VPS41: variants seen among roughly 807,000 people sequenced by gnomAD.
VPS41 encodes the protein VPS41 subunit of HOPS complex, also known as vacuolar protein sorting-associated protein 41 homolog.
VPS41 carries 85 observed loss-of-function variants against 130.9 expected under a neutral mutation model. That is an observed-to-expected ratio of 0.65 (90% CI 0.55 to 0.78). The LOEUF is 0.78. Ranked by LOEUF, VPS41 falls within the 30% of genes least tolerant of loss-of-function variation. The pLI is 0.00. For missense variants in VPS41, 874 were observed against 1,018.7 expected, an observed-to-expected ratio of 0.86 and a Z score of 1.93; for synonymous variants, 335 against 332.9, an observed-to-expected ratio of 1.01 and a Z score of -0.07.
At chr7:38,830,355 G>A (rs778413093) in intron 4 of VPS41, 27 bp from the exon 5 acceptor site, 1 of 1,414,180 alleles carries the variant, frequency 7.1e-7, no homozygotes, top group Non-Finnish European at 1.0e-6. Context: ...AAAAAGATGT[G>A]TAAAACTTCA....
At chr7:38,775,719 G>T (rs1352170540) in intron 11 of VPS41, 2 of 152,024 alleles carry the variant, frequency 1.3e-5, no homozygotes, top group African/African-American at 2.4e-5. Context: ...TTACTATAGT[G>T]ATGGCTTCCT....
At chr7:38,761,487 G>T (rs1388040819) in intron 17 of VPS41, among the ~76,000 whole-genome samples, 1 of 149,960 alleles carries the variant, frequency 6.7e-6, no homozygotes, top group African/African-American at 2.5e-5. Context: ...GTTTAACCAT[G>T]TTGGCCAGGA....
chr7:38,737,919 C>T (rs1308167291), intron 25 of VPS41, among the ~76,000 whole-genome samples: 1 of 152,216 alleles, frequency 6.6e-6, no homozygotes, highest in Non-Finnish European at 1.5e-5. Context: ...TACCCAATGC[C>T]TTAGATCCAG....
chr7:38,860,060 C>T lies in VPS41; in HGVS notation c.246+2485G>A, dbSNP rs114791030. On this transcript the variant is annotated intron_variant, in intron 4 of 28. Transcript: ENST00000310301. ...TCATTCTTCAGCAACAAAAGATGGC[C>T]GTATAAAACAGAATCCTGTCAACCT... 4.3e-3 allele frequency among the ~76,000 whole-genome samples: 651 copies of T among 152,102 alleles called. 4 individuals are homozygous for T. The highest frequency in any genetic ancestry group is 0.015 in the African/African-American group (627 of 41,492).
At chr7:38,839,743 T>C (rs1387346434) in intron 4 of VPS41, among the ~76,000 whole-genome samples, 1 of 152,202 alleles carries the variant, frequency 6.6e-6, no homozygotes, top group Non-Finnish European at 1.5e-5. Context: ...GCCACCGTTC[T>C]GCCCGGCCAG....
chr7:38,821,140 T>C (rs919096928), intron 6 of VPS41, 63 bp downstream of exon 6: 1 of 1,225,954 alleles, frequency 8.2e-7, no homozygotes, highest in African/African-American at 1.5e-5. Context: ...TTCAAATTAC[T>C]GTAATCCATA....
chr7:38,870,487 A>C (rs1786327342), intron 2 of VPS41, among the ~76,000 whole-genome samples: 2 of 152,126 alleles, frequency 1.3e-5, no homozygotes, highest in East Asian at 1.9e-4. Context: ...CTTTGATTGG[A>C]GTAAGGTATA....
chr7:38,894,664 T>C (rs940492487), intron 2 of VPS41, among the ~76,000 whole-genome samples: 4 of 152,120 alleles, frequency 2.6e-5, no homozygotes, highest in Admixed American at 1.3e-4. Flanking sequence ...ACAAGACCCA[T>C]TTTTCACACG....
chr7:38,811,901 C>G (rs974818597), intron 7 of VPS41, among the ~76,000 whole-genome samples: 3 of 152,014 alleles, frequency 2.0e-5, no homozygotes, highest in African/African-American at 7.2e-5. Context: ...TTTTCACTTT[C>G]AGTCTTCAAT....
chr7:38,846,849 G>C (rs1306615229), intron 4 of VPS41, among the ~76,000 whole-genome samples: 1 of 152,180 alleles, frequency 6.6e-6, no homozygotes, highest in Non-Finnish European at 1.5e-5. Flanking sequence ...GGAGGCAGAT[G>C]ATGGAGGATA....
intron 2 of VPS41, among the ~76,000 whole-genome samples, chr7:38,874,452 A>T (rs1304912421): frequency 6.6e-6 from 1 of 152,168 alleles, no homozygotes; most frequent in Non-Finnish European, 1.5e-5. Flanking sequence ...GCACTCCTCA[A>T]CTATTCACAT....
intron 6 of VPS41, among the ~76,000 whole-genome samples, chr7:38,819,106 T>C (rs1305109086): frequency 6.6e-6 from 1 of 152,172 alleles, no homozygotes; most frequent in Admixed American, 6.5e-5. Flanking sequence ...ATTCCAAACA[T>C]CTCCTCTGCT....
chr7:38,787,137 T>C (rs563040234), intron 10 of VPS41, among the ~76,000 whole-genome samples: 1 of 152,302 alleles, frequency 6.6e-6, no homozygotes, highest in South Asian at 2.1e-4. Flanking sequence ...TCTCATATAG[T>C]TGTTTAATCT....
intron 10 of VPS41, among the ~76,000 whole-genome samples, 166 bp downstream of exon 10, chr7:38,789,635 A>C (rs1784498780): frequency 6.6e-6 from 1 of 152,192 alleles, no homozygotes; most frequent in Non-Finnish European, 1.5e-5. Context: ...TTTTGACAGC[A>C]GTGGGGACAG....
chr7:38,754,451 G>A (rs906183411), intron 21 of VPS41, among the ~76,000 whole-genome samples: 5 of 152,088 alleles, frequency 3.3e-5, no homozygotes, highest in African/African-American at 9.7e-5. Flanking sequence ...AGATAGATTG[G>A]TAACTTTTTT....
At chr7:38,841,750 T>C (rs1432864129) in intron 4 of VPS41, among the ~76,000 whole-genome samples, 1 of 152,206 alleles carries the variant, frequency 6.6e-6, no homozygotes. Context: ...ATTAGAGGCA[T>C]GCGCCACCAC....
At chr7:38,790,658 G>A (rs1211621307) in intron 9 of VPS41, among the ~76,000 whole-genome samples, 1 of 152,166 alleles carries the variant, frequency 6.6e-6, no homozygotes, top group African/African-American at 2.4e-5. Context: ...GATGTGCATA[G>A]GTTATATGCA....
intron 25 of VPS41, among the ~76,000 whole-genome samples, chr7:38,739,258 C>G (rs1448289522): frequency 7.9e-5 from 12 of 152,342 alleles, no homozygotes; most frequent in Non-Finnish European, 1.2e-4. Context: ...CCATCACACA[C>G]ACAGTCACTT....
chr7:38,861,458 C>G (rs1226484287), intron 4 of VPS41, among the ~76,000 whole-genome samples: 1 of 152,084 alleles, frequency 6.6e-6, no homozygotes, highest in East Asian at 1.9e-4. Context: ...GAGGGAAGGT[C>G]AAAAGTATAT....
Sources: allele counts gnomAD v4.1 joint callset (sites outside exome capture counted in the v4.1 genomes callset), GRCh38; gene constraint gnomAD v4.1.1; transcripts MANE v1.5; gene names NCBI Gene and HGNC (gene_info 2026-07-23, HGNC 2026-07-21).